The following TTBK1 variants were observed in gnomAD, a reference collection of about 807,000 sequenced individuals.
The protein encoded by TTBK1 is tau tubulin kinase 1, also known as tau-tubulin kinase 1.
TTBK1 carries 34 observed loss-of-function variants against 108.5 expected under a neutral mutation model. The observed-to-expected ratio is 0.31, with a 90% CI of 0.24 to 0.42. The LOEUF (loss-of-function observed/expected upper bound fraction) is 0.42. Ranked by LOEUF, TTBK1 falls within the 10% of genes least tolerant of loss-of-function variation. TTBK1 has a pLI of 1.00. For missense variants in TTBK1, 1,539 were observed against 1,826.0 expected, an observed-to-expected ratio of 0.84 and a Z score of 2.86; for synonymous variants, 809 against 795.1, an observed-to-expected ratio of 1.02 and a Z score of -0.29.
chr6:43,263,386 G>T lies in TTBK1; in HGVS notation c.1986+36G>T. 2.1e-6 allele frequency: 3 copies of T among 1,444,754 alleles called. No homozygotes were observed. The highest frequency in any genetic ancestry group is 2.7e-6 in the Non-Finnish European group (3 of 1,094,428). 89.5% of individuals were successfully genotyped at this position (1,444,754 alleles called of 1,614,324 possible). A position where few individuals can be genotyped will look rare whatever the true frequency, so the allele number is the denominator to read the frequency against. ...GCTTGCACCCCACTCCCCATCTCCA[G>T]ATGCCCAGAGTCCTGGTGTGTAGGC... On this transcript the variant is annotated intron_variant, in intron 13 of 14. Transcript: ENST00000259750. This position sits in a 1 kb window ranked among gnomAD's most constrained non-coding sequence, Gnocchi z 4.7.
rs1179987434 is a variant in TTBK1, at chr6:43,259,654, G to A, written c.1372G>A (p.Glu458Lys). 6.2e-7 allele frequency: 1 copy of A among 1,608,958 alleles called. No homozygotes were observed. Among genetic ancestry groups the A allele is most frequent in the Non-Finnish European group, 8.5e-7 (1 of 1,177,998 alleles). The change falls in exon 12 of 15, where the codon GAG becomes AAG. Residue 458 changes from glutamate to lysine, a missense_variant. By Grantham distance (56) the Glu-to-Lys change is moderately conservative. Coordinates refer to ENST00000259750, the MANE Select transcript of TTBK1 (RefSeq NM_032538.3). The surrounding 1 kb of genome is among the most constrained non-coding windows in gnomAD (Gnocchi z 6.7). ...SLRYRRVNSP[E>K]SERLSTADGR... ...GCGCTACCGGAGGGTGAACAGCCCT[G>A]AGTCAGAAAGGCTGTCCACGGCGGA...
rs1183513554 is a variant in TTBK1, at chr6:43,263,738, G to T, written c.1986+388G>T. 6.6e-6 allele frequency among the ~76,000 whole-genome samples: 1 copy of T among 152,222 alleles called. No homozygotes were observed. The highest frequency in any genetic ancestry group is 1.5e-5 in the Non-Finnish European group (1 of 68,038). ...GGGCCCTGCCACGGAGGGACTTGGGGCTATACTAAGGGGCCAGGACTTGAT... is the reference window on the plus strand; with the variant it reads ...GGGCCCTGCCACGGAGGGACTTGGGTCTATACTAAGGGGCCAGGACTTGAT... On this transcript the variant is annotated intron_variant, in intron 13 of 14. Coordinates refer to ENST00000259750, the MANE Select transcript of TTBK1 (RefSeq NM_032538.3). The surrounding 1 kb of genome is among the most constrained non-coding windows in gnomAD (Gnocchi z 4.7).
rs1440225449 is a variant in TTBK1, at chr6:43,285,133, C to A, written c.3723C>A (p.Ala1241=). The change falls in exon 15 of 15, where the codon GCC becomes GCA. Residue 1241 remains alanine (A), a synonymous_variant. Coordinates refer to ENST00000259750, the MANE Select transcript of TTBK1 (RefSeq NM_032538.3). The surrounding 1 kb of genome is among the most constrained non-coding windows in gnomAD (Gnocchi z 4.7). ...CGCGCCTCCCCGCGTCCACATCCGC[C>A]GCGCGCAATGCCAGCGCGTCCCCCC... ...RSPRLPASTS[A]ARNASASPRS... is the part of the protein sequence containing the mutation. The A allele has an allele frequency of 9.6e-6, 14 of 1,452,968 alleles. No individual in the cohort carries two copies. Among genetic ancestry groups the A allele is most frequent in the Middle Eastern group, 2.0e-4 (1 of 4,924 alleles). The allele number at this position is 1,452,968 out of a possible 1,614,324, so 90.0% of individuals were successfully genotyped here.
rs979290090 is a variant in TTBK1 at position 43,261,269 on chromosome 6, G to A, written c.1425-1520G>A. On this transcript the variant is annotated intron_variant, in intron 12 of 14. Transcript: ENST00000259750. ...TGAAGAGCCATTGAACCACAGGCTC[G>A]ATGCTGGGGGAGAATGAAAGTCAGC... is the stretch of plus-strand genomic sequence containing the variant. 4.5e-4 allele frequency among the ~76,000 whole-genome samples: 69 copies of A among 152,146 alleles called. 1 individual carries two copies.
intron 5 of TTBK1, among the ~76,000 whole-genome samples, chr6:43,254,097 G>A (rs1057238737): frequency 6.6e-6 from 1 of 152,300 alleles, no homozygotes; most frequent in East Asian, 1.9e-4. Context: ...GTGGCATCTT[G>A]AATATTTGTG....
chr6:43,274,458 G>A (rs1190794752), intron 13 of TTBK1, among the ~76,000 whole-genome samples: 2 of 152,182 alleles, frequency 1.3e-5, no homozygotes, highest in Non-Finnish European at 2.9e-5. Flanking sequence ...CTGTGTAAAT[G>A]TATTTATATG....
intron 13 of TTBK1, chr6:43,271,235 T>C (rs1777825087): frequency 1.0e-6 from 1 of 985,518 alleles, no homozygotes; most frequent in Non-Finnish European, 1.2e-6. Flanking sequence ...TCAGTGAGAC[T>C]GTGTCTGTAT....
intron 13 of TTBK1, among the ~76,000 whole-genome samples, chr6:43,277,234 C>T (rs927608246): frequency 5.9e-5 from 9 of 151,752 alleles, no homozygotes; most frequent in African/African-American, 2.2e-4. Flanking sequence ...GTGGGGGTGG[C>T]CCGCCAAGGA....
At chr6:43,246,070 G>A (rs1777077869) in intron 1 of TTBK1, among the ~76,000 whole-genome samples, 1 of 152,156 alleles carries the variant, frequency 6.6e-6, no homozygotes, top group Non-Finnish European at 1.5e-5. Context: ...ACCCTCAAGG[G>A]GCTTTAGTGC....
intron 10 of TTBK1, 56 bp downstream of exon 10, chr6:43,258,022 G>A: frequency 6.4e-7 from 1 of 1,569,240 alleles, no homozygotes; most frequent in South Asian, 1.1e-5. Flanking sequence ...ACCTAAGAGG[G>A]CAGGCGGTCC....
chr6:43,273,333 A>G lies in TTBK1; in HGVS notation c.1987-9394A>G, dbSNP rs948908216. Among the ~76,000 whole-genome samples the G allele has an allele frequency of 6.6e-6, 1 of 152,078 alleles. No homozygotes were observed. Among genetic ancestry groups the G allele is most frequent in the Admixed American group, 6.6e-5 (1 of 15,264 alleles). On this transcript the variant is annotated intron_variant, in intron 13 of 14. Transcript: ENST00000259750. The surrounding 1 kb of genome is among the most constrained non-coding windows in gnomAD (Gnocchi z 4.2). ...CAAGCCATATTTTCCTTCCTTTCCC[A>G]TTCCCACCTTGCCATGGGGTGGCAT...
At chr6:43,254,720 C>G (rs1777339103) in intron 6 of TTBK1, 69 bp downstream of exon 6, 1 of 1,417,496 alleles carries the variant, frequency 7.1e-7, no homozygotes, top group Non-Finnish European at 9.6e-7. Flanking sequence ...GGACCCTTCA[C>G]CCACTTTTCT....
In TTBK1 at chr6:43,283,174, G is replaced by A. The variant is rs753761636; in HGVS notation, c.2434G>A (p.Asp812Asn). The A allele has an allele frequency of 8.5e-5, 132 of 1,556,796 alleles. No individual in the cohort carries two copies. Among genetic ancestry groups the A allele is most frequent in the Non-Finnish European group, 1.0e-4 (120 of 1,150,848 alleles). ...EGAPSTLLAD[D>N]QKESRGRASM... ...TGCCCCGTCCACGCTGCTGGCAGACGATCAGAAGGAGTCCAGGGGCCGGGC... is the reference window on the plus strand; with the variant it reads ...TGCCCCGTCCACGCTGCTGGCAGACAATCAGAAGGAGTCCAGGGGCCGGGC... Residue 812 changes from aspartate (D) to asparagine (N), a missense_variant, in exon 14 of 15, where the codon GAT becomes AAT. Transcript: ENST00000259750. The surrounding 1 kb of genome is among the most constrained non-coding windows in gnomAD (Gnocchi z 8.1).
rs1187776336 is a variant in TTBK1 at position 43,276,169 on chromosome 6, C to T, written c.1987-6558C>T. ...CCCCTCCCATCGTAAGTCCTTCCCT[C>T]GACCCCCCATTTTGTACTGCAATAA... On this transcript the variant is annotated intron_variant, in intron 13 of 14. Transcript: ENST00000259750. This position sits in a 1 kb window ranked among gnomAD's most constrained non-coding sequence, Gnocchi z 5.4. Among the ~76,000 whole-genome samples, 2 of 152,142 alleles carry T rather than the reference C, an allele frequency of 1.3e-5. No individual in the cohort carries two copies. Among genetic ancestry groups the T allele is most frequent in the Admixed American group, 6.5e-5 (1 of 15,276 alleles).
chr6:43,255,265 G>T, intron 7 of TTBK1, 151 bp downstream of exon 7: 1 of 770,394 alleles, frequency 1.3e-6, no homozygotes, highest in Non-Finnish European at 2.2e-6. Flanking sequence ...AGGCCCCTCT[G>T]TGGCAGACTC....
chr6:43,251,132 T>A (rs927483716), intron 2 of TTBK1, among the ~76,000 whole-genome samples: 1 of 152,252 alleles, frequency 6.6e-6, no homozygotes, highest in African/African-American at 2.4e-5. Context: ...TTCCTGCTCC[T>A]GTCTCTTTCT....
In TTBK1 at chr6:43,283,871, G is replaced by A. The variant is rs768438218; in HGVS notation, c.3131G>A (p.Arg1044His). Residue 1044 changes from arginine (R) to histidine (H), a missense_variant, in exon 14 of 15, where the codon CGC (arginine) becomes CAC (histidine). Arg to His is a conservative substitution (Grantham distance 29). This residue lies in a region of TTBK1 where 1,055 missense variants were observed against 1,086.5 expected (regional missense o/e 0.97). Transcript: ENST00000259750. This position sits in a 1 kb window ranked among gnomAD's most constrained non-coding sequence, Gnocchi z 8.1. ...PEKVATISPR[R>H]HAMPGSRPRS... ...AAAGTGGCCACCATCTCCCCCAGAC[G>A]CCATGCTATGCCAGGCTCTCGCCCC... The A allele has an allele frequency of 2.4e-5, 38 of 1,610,562 alleles. No individual in the cohort carries two copies. Among genetic ancestry groups the A allele is most frequent in the Admixed American group, 5.0e-5 (3 of 59,852 alleles).
Position 43,265,012 on chromosome 6 carries a change from A to G in TTBK1, c.1986+1662A>G. ...TCTGACAAGGACAGGGTGTCAGAAT[A>G]GGCAGAGAGCCACTGGCCTGACCAG... On this transcript the variant is annotated intron_variant, in intron 13 of 14. Transcript: ENST00000259750. The surrounding 1 kb of genome is among the most constrained non-coding windows in gnomAD (Gnocchi z 4.1). Among the ~76,000 whole-genome samples, 1 of 152,228 alleles carries G rather than the reference A, an allele frequency of 6.6e-6. No homozygotes were observed. Among genetic ancestry groups the G allele is most frequent in the East Asian group, 1.9e-4 (1 of 5,202 alleles).
Position 43,285,209 on chromosome 6 carries a change from C to G in TTBK1, c.3799C>G (p.Arg1267Gly). ...RESPSPSHQARPGVPPPRGVP... is the reference protein window; with the variant it reads ...RESPSPSHQAGPGVPPPRGVP... Reference sequence around the variant, plus strand: ...GAGCCCCTCCCCCTCGCACCAGGCCCGGCCCGGGGTCCCCCCGCCCCGGGG... The same window carrying G: ...GAGCCCCTCCCCCTCGCACCAGGCCGGGCCCGGGGTCCCCCCGCCCCGGGG... Residue 1267 changes from arginine to glycine, a missense_variant, in exon 15 of 15, where the codon CGG (arginine) becomes GGG (glycine). Around this residue, in one of 5 missense-constraint regions of TTBK1, gnomAD observed 1,055 missense variants for 1,086.5 expected, o/e 0.97. Transcript: ENST00000259750. This position sits in a 1 kb window ranked among gnomAD's most constrained non-coding sequence, Gnocchi z 4.7. The G allele has an allele frequency of 1.5e-6, 2 of 1,323,306 alleles. No individual in the cohort carries two copies. Among genetic ancestry groups the G allele is most frequent in the East Asian group, 3.1e-5 (1 of 32,112 alleles). 82.0% of individuals were successfully genotyped at this position (1,323,306 alleles called of 1,614,324 possible).
Sources: allele counts gnomAD v4.1 joint callset (sites outside exome capture counted in the v4.1 genomes callset), GRCh38; gene constraint gnomAD v4.1.1; regional missense constraint gnomAD v4.1.1; non-coding constraint Gnocchi (gnomAD v3.1); transcripts MANE v1.5; gene names NCBI Gene and HGNC (gene_info 2026-07-23, HGNC 2026-07-21).